Variants in CTNNA3 observed in about 807,000 individuals in gnomAD.
The protein encoded by CTNNA3 is catenin alpha-3.
Under a neutral mutation model 95.7 loss-of-function variants are expected in CTNNA3, and 76 were observed. The ratio of observed to expected loss-of-function variants is 0.79; its 90% CI spans 0.66 to 0.96. CTNNA3 has a LOEUF of 0.96. Ranked by LOEUF, CTNNA3 falls within the 40% of genes least tolerant of loss-of-function variation. The probability of loss-of-function intolerance (pLI) is 0.00; values close to 1 mark genes in which losing one functional copy is unlikely to be tolerated. For missense variants in CTNNA3, 1,191 were observed against 1,089.8 expected, an observed-to-expected ratio of 1.09 and a Z score of -1.31; for synonymous variants, 431 against 374.4, an observed-to-expected ratio of 1.15 and a Z score of -1.74.
rs550025308 is a variant in CTNNA3 at position 67,481,109 on chromosome 10, A to T, written c.579+40733T>A. 3.9e-5 allele frequency among the ~76,000 whole-genome samples: 6 copies of T among 152,072 alleles called. No individual in the cohort carries two copies. In the East Asian group the frequency reaches 1.2e-3, roughly 29 times the overall value. ...GTGGTGAATCACATTTTTTTTGTAC[A>T]TGTTGAAGGAAGAGACCTCAAAATA... On this transcript the variant is annotated intron_variant, in intron 5 of 17. Coordinates refer to ENST00000433211, the MANE Select transcript of CTNNA3 (RefSeq NM_013266.4).
chr10:66,621,783 A>C lies in CTNNA3; in HGVS notation c.1283T>G (p.Val428Gly), dbSNP rs1296769273. The change falls in exon 10 of 18, where the codon GTG (valine) becomes GGG (glycine). Residue 428 changes from valine (V) to glycine (G), a missense_variant and splice_region_variant. Coordinates refer to ENST00000433211, the MANE Select transcript of CTNNA3 (RefSeq NM_013266.4). ...TGACATGGAACAAGCAAGATTTGCC[A>C]CCTTAAATACAATCCAAAATAATGG... ...FHEHTSRLVEVANLACSMSTN... is the reference protein window; with the variant it reads ...FHEHTSRLVEGANLACSMSTN... The C allele has an allele frequency of 2.5e-6, 4 of 1,590,606 alleles. No individual in the cohort carries two copies. The highest frequency in any genetic ancestry group is 3.4e-6 in the Non-Finnish European group (4 of 1,166,832).
At chr10:67,635,322 G>A (rs1007997672) in intron 2 of CTNNA3, among the ~76,000 whole-genome samples, 2 of 152,160 alleles carry the variant, frequency 1.3e-5, no homozygotes, top group Non-Finnish European at 2.9e-5. Flanking sequence ...CTCATTCTAT[G>A]AGGCCAGCAT....
chr10:67,080,228 C>G lies in CTNNA3; in HGVS notation c.1047+100089G>C, dbSNP rs537562130. On this transcript the variant is annotated intron_variant, in intron 7 of 17. Coordinates refer to ENST00000433211, the MANE Select transcript of CTNNA3 (RefSeq NM_013266.4). ...TTTTGCAGGCTAGAGCCATTTTCTG[C>G]TGGATTGGGTTTTGAAATGGTATTT... Among the ~76,000 whole-genome samples the G allele has an allele frequency of 2.0e-5, 3 of 152,260 alleles. No individual in the cohort carries two copies. In the East Asian group the frequency reaches 5.8e-4, roughly 29 times the overall value.
At chr10:66,576,236 AC>A (rs1203953755) in intron 10 of CTNNA3, among the ~76,000 whole-genome samples, 1 of 152,090 alleles carries the variant, frequency 6.6e-6, no homozygotes, top group Non-Finnish European at 1.5e-5. Context: ...GTGTCATCTC[AC>A]CTAAGATTCT....
intron 5 of CTNNA3, among the ~76,000 whole-genome samples, chr10:67,377,709 A>T (rs1843750690): frequency 6.6e-6 from 1 of 152,198 alleles, no homozygotes; most frequent in Non-Finnish European, 1.5e-5. Flanking sequence ...CCTATAATGT[A>T]TGGTGATCAG....
At chr10:67,325,222 C>T (rs1049518309) in intron 5 of CTNNA3, among the ~76,000 whole-genome samples, 1 of 151,864 alleles carries the variant, frequency 6.6e-6, no homozygotes, top group South Asian at 2.1e-4. Context: ...TTTCTCGTGT[C>T]TCAATCTCCT....
At chr10:67,162,540 T>TA (rs1193018499) in intron 7 of CTNNA3, among the ~76,000 whole-genome samples, 2 of 151,716 alleles carry the variant, frequency 1.3e-5, no homozygotes, top group East Asian at 1.9e-4. Flanking sequence ...CTTGAGTTTT[T>TA]AAAAAAAGAG....
intron 2 of CTNNA3, among the ~76,000 whole-genome samples, chr10:67,638,449 G>A (rs1002658156): frequency 3.4e-4 from 51 of 152,000 alleles, no homozygotes; most frequent in African/African-American, 1.1e-3. Flanking sequence ...AGACAGATCA[G>A]TGAGACAGAA....
chr10:66,157,147 G>T lies in CTNNA3; in HGVS notation c.1885-53898C>A, dbSNP rs571198307. ...AGACTTTGGTGCACCCATCACCCAA[G>T]TAGTATACGCTGCACCTTATTTGTA... is the stretch of plus-strand genomic sequence containing the variant. On this transcript the variant is annotated intron_variant, in intron 13 of 17. Coordinates refer to ENST00000433211, the MANE Select transcript of CTNNA3 (RefSeq NM_013266.4). Among the ~76,000 whole-genome samples, 42 of 151,970 alleles carry T rather than the reference G, an allele frequency of 2.8e-4. No individual in the cohort carries two copies. The South Asian group carries it at 7.5e-3, about 27-fold the overall frequency.
chr10:66,949,969 C>A (rs1313314768), intron 7 of CTNNA3, among the ~76,000 whole-genome samples: 1 of 152,172 alleles, frequency 6.6e-6, no homozygotes, highest in African/African-American at 2.4e-5. Flanking sequence ...TCAGAAAGTT[C>A]TAACATCTCC....
intron 4 of CTNNA3, among the ~76,000 whole-genome samples, chr10:67,525,137 T>C (rs1840103120): frequency 6.8e-6 from 1 of 146,738 alleles, no homozygotes. Flanking sequence ...AATAATTTGT[T>C]GAACCTTGAA....
At chr10:66,029,730 CATT>C (rs777484090) in intron 15 of CTNNA3, among the ~76,000 whole-genome samples, 17 of 152,134 alleles carry the variant, frequency 1.1e-4, no homozygotes, top group Non-Finnish European at 1.9e-4. Context: ...AGTTTTCACT[CATT>C]ATTTTATTCC....
intron 11 of CTNNA3, among the ~76,000 whole-genome samples, chr10:66,513,869 C>A (rs1840747394): frequency 1.3e-5 from 2 of 152,148 alleles, no homozygotes; most frequent in South Asian, 4.1e-4. Flanking sequence ...GGATTTAGGT[C>A]TCTGTGTGGG....
At chr10:66,970,186 A>C (rs772344618) in intron 7 of CTNNA3, among the ~76,000 whole-genome samples, 1 of 152,178 alleles carries the variant, frequency 6.6e-6, no homozygotes. Context: ...TAGAAGCTCT[A>C]AACTAGAGCA....
chr10:66,374,352 G>A (rs2092776988), intron 12 of CTNNA3, among the ~76,000 whole-genome samples: 1 of 152,104 alleles, frequency 6.6e-6, no homozygotes, highest in East Asian at 1.9e-4. Flanking sequence ...CAAAGGTGGT[G>A]GCATTTGAGA....
chr10:67,000,453 G>C (rs1851612260), intron 7 of CTNNA3, among the ~76,000 whole-genome samples: 1 of 152,138 alleles, frequency 6.6e-6, no homozygotes, highest in African/African-American at 2.4e-5. Context: ...TACCTAGTTA[G>C]TTCTATGAGA....
intron 7 of CTNNA3, among the ~76,000 whole-genome samples, chr10:66,822,603 A>C (rs1295844615): frequency 6.6e-6 from 1 of 152,210 alleles, no homozygotes; most frequent in Non-Finnish European, 1.5e-5. Flanking sequence ...AGTTCTGGCG[A>C]CACTTCCAGT....
rs747392530 is a variant in CTNNA3, at chr10:67,262,624, G to GT, written c.580-42755dup. On this transcript the variant is annotated intron_variant, in intron 5 of 17. Transcript: ENST00000433211. The stretch of plus-strand genomic sequence containing the variant: ...ATAAAAACCGAAACCGCTTTAAACA[G>GT]TTTTTTTAAAAAACAGCTCATACTC... 3.3e-5 allele frequency among the ~76,000 whole-genome samples: 5 copies of GT among 152,190 alleles called. No homozygotes were observed. In the East Asian group the frequency reaches 5.8e-4, roughly 18 times the overall value.
At chr10:66,389,876 C>A (rs1032567229) in intron 11 of CTNNA3, among the ~76,000 whole-genome samples, 1 of 152,048 alleles carries the variant, frequency 6.6e-6, no homozygotes, top group African/African-American at 2.4e-5. Context: ...GTAGCTAGAA[C>A]TGCAGGAACT....
Sources: gnomAD v4.1 joint callset for allele counts (sites outside exome capture counted in the v4.1 genomes callset) on GRCh38, gnomAD v4.1.1 for gene constraint, MANE v1.5 for transcripts, NCBI Gene and HGNC (gene_info 2026-07-23, HGNC 2026-07-21) for gene names.